The following KMT2A variants were observed in gnomAD, a reference collection of about 807,000 sequenced individuals.
The protein encoded by KMT2A is lysine methyltransferase 2A.
KMT2A carries 16 observed loss-of-function variants against 345.3 expected under a neutral mutation model. The ratio of observed to expected loss-of-function variants is 0.05; its 90% CI spans 0.03 to 0.07. The LOEUF (loss-of-function observed/expected upper bound fraction) is 0.07, where lower values mean the gene tolerates loss of function less well. KMT2A is among the 10% of genes least tolerant of loss of function. The pLI is 1.00. For synonymous variants in KMT2A, 1,599 were observed against 1,778.6 expected, an observed-to-expected ratio of 0.90 and a Z score of 2.54; for missense variants, 3,272 against 4,841.6, an observed-to-expected ratio of 0.68 and a Z score of 9.62.
At chr11:118,453,743 C>G (rs187176268) in intron 1 of KMT2A, among the ~76,000 whole-genome samples, 1 of 152,292 alleles carries the variant, frequency 6.6e-6, no homozygotes, top group African/African-American at 2.4e-5. Flanking sequence ...CATGAATTAT[C>G]TCACCTAACC....
chr11:118,441,723 C>A (rs1949318372), intron 1 of KMT2A, among the ~76,000 whole-genome samples: 1 of 152,174 alleles, frequency 6.6e-6, no homozygotes, highest in South Asian at 2.1e-4. Context: ...GTCTTTAGAA[C>A]TTTTCTTCCT....
chr11:118,458,620 A>G (rs1321494024), intron 1 of KMT2A, among the ~76,000 whole-genome samples: 1 of 152,230 alleles, frequency 6.6e-6, no homozygotes, highest in East Asian at 1.9e-4. Flanking sequence ...CACTCTAAAG[A>G]AGACAAATGT....
In KMT2A at chr11:118,496,788, C is replaced by T. The variant is rs782491860; in HGVS notation, c.5664+421C>T. ...CTGAATACATTTCTGTGCTTAACTGCCTACTTATTGACTTTGGCAAGTAGT... is the reference window on the plus strand; with the variant it reads ...CTGAATACATTTCTGTGCTTAACTGTCTACTTATTGACTTTGGCAAGTAGT... On this transcript the variant is annotated intron_variant, in intron 20 of 35. Coordinates refer to ENST00000534358, the MANE Select transcript of KMT2A (RefSeq NM_001197104.2). The surrounding 1 kb of genome is among the most constrained non-coding windows in gnomAD (Gnocchi z 4.7). Among the ~76,000 whole-genome samples, 13 of 152,142 alleles carry T rather than the reference C, an allele frequency of 8.5e-5. No homozygotes were observed. Among genetic ancestry groups the T allele is most frequent in the Non-Finnish European group, 1.5e-4 (10 of 68,030 alleles).
chr11:118,447,804 G>A (rs1949452891), intron 1 of KMT2A: 1 of 242,338 alleles, frequency 4.1e-6, no homozygotes, highest in Non-Finnish European at 8.6e-6. Context: ...GGTAACCAGC[G>A]GTTTCCCAGC....
At chr11:118,442,713 A>G (rs184166806) in intron 1 of KMT2A, among the ~76,000 whole-genome samples, 1 of 152,326 alleles carries the variant, frequency 6.6e-6, no homozygotes, top group Admixed American at 6.5e-5. Flanking sequence ...ATACCCTTGT[A>G]GGCTCCACTA....
chr11:118,519,625 C>T lies in KMT2A; in HGVS notation c.11154C>T (p.Asn3718=), dbSNP rs367846617. 9.9e-6 allele frequency: 16 copies of T among 1,611,528 alleles called. No homozygotes were observed. The highest frequency in any genetic ancestry group is 1.7e-5 in the Admixed American group (1 of 59,944). ...TGCTTCTGATTCTTCTAGGTGTTAA[C>T]GGTTTGAGGATGCTGGGGATTCTCC... The part of the protein sequence containing the change: ...RLKQLSFAGV[N]GLRMLGILHD... Residue 3718 remains asparagine (N), a synonymous_variant, in exon 32 of 36, where the codon AAC becomes AAT. Transcript: ENST00000534358.
chr11:118,511,860 G>A (rs546620460), intron 30 of KMT2A, 91 bp from the exon 31 acceptor site: 6 of 969,596 alleles, frequency 6.2e-6, no homozygotes, highest in Non-Finnish European at 8.3e-6. Context: ...ACACTGTAGG[G>A]ATTCTAAGCA....
intron 31 of KMT2A, among the ~76,000 whole-genome samples, chr11:118,517,181 G>C (rs1950833749): frequency 6.6e-6 from 1 of 151,560 alleles, no homozygotes; most frequent in East Asian, 2.0e-4. Context: ...AGATCACGAG[G>C]TCAGGAGATC....
In KMT2A at chr11:118,504,396, A is replaced by T; in HGVS notation, c.8504A>T (p.Asp2835Val). ...TATAATACTGAGCTCCTGAAATCAGATTCAGACAATAACAACAGTGATGAC... is the reference window on the plus strand; with the variant it reads ...TATAATACTGAGCTCCTGAAATCAGTTTCAGACAATAACAACAGTGATGAC... ...DTYNTELLKSDSDNNNSDDCG... is the reference protein window; with the variant it reads ...DTYNTELLKSVSDNNNSDDCG... The change falls in exon 27 of 36, where the codon GAT becomes GTT. Residue 2835 changes from aspartate to valine, a missense_variant. By Grantham distance (152) the Asp-to-Val change is radical (BLOSUM62 -3). Around this residue, in one of 27 missense-constraint regions of KMT2A, gnomAD observed 9 missense variants for 20.3 expected, o/e 0.44. Transcript: ENST00000534358. The surrounding 1 kb of genome is among the most constrained non-coding windows in gnomAD (Gnocchi z 6.4). 1 of 1,614,190 alleles carries T rather than the reference A, an allele frequency of 6.2e-7. No individual in the cohort carries two copies. The highest frequency in any genetic ancestry group is 8.5e-7 in the Non-Finnish European group (1 of 1,180,010).
At chr11:118,506,792 C>CT (rs1456372781) in intron 27 of KMT2A, 146 bp downstream of exon 27, 1 of 785,542 alleles carries the variant, frequency 1.3e-6, no homozygotes, top group African/African-American at 1.7e-5. Context: ...TTTTTTCTCT[C>CT]TGAGTGGTGA....
intron 1 of KMT2A, among the ~76,000 whole-genome samples, chr11:118,437,693 T>A (rs535525227): frequency 2.1e-5 from 3 of 144,732 alleles, no homozygotes; most frequent in Admixed American, 2.1e-4. Flanking sequence ...CCGCCCCGTC[T>A]TACAGGGCTA....
At chr11:118,506,761 G>A in intron 27 of KMT2A, 115 bp downstream of exon 27, 2 of 1,121,262 alleles carry the variant, frequency 1.8e-6, no homozygotes, top group East Asian at 2.4e-5. Flanking sequence ...GCATTACCTG[G>A]GAGTTTTCCG....
chr11:118,481,386 A>C (rs1204882357), intron 6 of KMT2A, among the ~76,000 whole-genome samples: 1 of 152,220 alleles, frequency 6.6e-6, no homozygotes, highest in African/African-American at 2.4e-5. Context: ...TTCACTTAAC[A>C]TAATGTCCTC....
chr11:118,467,631 T>A (rs1422639075), intron 1 of KMT2A, among the ~76,000 whole-genome samples: 3 of 152,212 alleles, frequency 2.0e-5, no homozygotes, highest in Admixed American at 2.0e-4. Flanking sequence ...TTTAATATAG[T>A]CATGGCTGAA....
chr11:118,512,617 T>C (rs1482988965), intron 31 of KMT2A, among the ~76,000 whole-genome samples: 1 of 152,230 alleles, frequency 6.6e-6, no homozygotes, highest in East Asian at 1.9e-4. Context: ...AGTTATTGTG[T>C]AGACATGTTT....
chr11:118,498,153 C>T lies in KMT2A; in HGVS notation c.5802+80C>T, dbSNP rs1163731596. On this transcript the variant is annotated intron_variant, in intron 21 of 35. Transcript: ENST00000534358. This position sits in a 1 kb window ranked among gnomAD's most constrained non-coding sequence, Gnocchi z 4.4. Reference sequence around the variant, plus strand: ...TTCTTCCTGTGGGTGAATATGGCCTCCCTGATATTTTTCACAGTGCCATCA... The same window carrying T: ...TTCTTCCTGTGGGTGAATATGGCCTTCCTGATATTTTTCACAGTGCCATCA... 2 of 1,485,632 alleles carry T rather than the reference C, an allele frequency of 1.3e-6. No individual in the cohort carries two copies. The highest frequency in any genetic ancestry group is 1.9e-6 in the Non-Finnish European group (2 of 1,077,350). 92.0% of individuals were successfully genotyped at this position (1,485,632 alleles called of 1,614,324 possible). A position where few individuals can be genotyped will look rare whatever the true frequency, so the allele number is the denominator to read the frequency against.
At position 118,497,946 on chromosome 11, in the gene KMT2A, G is replaced by A. The variant is rs1950436398; in HGVS notation, c.5675G>A (p.Arg1892His). The A allele has an allele frequency of 1.9e-6, 3 of 1,611,514 alleles. No individual in the cohort carries two copies. Among genetic ancestry groups the A allele is most frequent in the Non-Finnish European group, 2.5e-6 (3 of 1,177,912 alleles). ...CTCTTTATTTTATAGGATGCTGGTC[G>A]TTTACTATATATTGGCCAAAATGAG... is the stretch of plus-strand genomic sequence containing the variant. ...YGDDSANDAG[R>H]LLYIGQNEWT... The change falls in exon 21 of 36, where the codon CGT becomes CAT. Residue 1892 changes from arginine to histidine, a missense_variant. Arg to His is a conservative substitution (Grantham distance 29, BLOSUM62 0). Transcript: ENST00000534358. This position sits in a 1 kb window ranked among gnomAD's most constrained non-coding sequence, Gnocchi z 4.8.
Position 118,473,018 on chromosome 11 carries a change from C to G in KMT2A, c.1859C>G (p.Thr620Ser), listed in dbSNP as rs2134264760. Residue 620 changes from threonine to serine, a missense_variant, in exon 3 of 36, where the codon ACT becomes AGT. Around this residue, in one of 27 missense-constraint regions of KMT2A, gnomAD observed 114 missense variants for 203.2 expected, o/e 0.56. Transcript: ENST00000534358. The surrounding 1 kb of genome is among the most constrained non-coding windows in gnomAD (Gnocchi z 5.2). ...TTGCGAGAACCGACATTTAGGTGGA[C>G]TTCTTTAAAGCATTCTAGGTCAGAG... ...SILREPTFRW[T>S]SLKHSRSEPQ... 6.2e-7 allele frequency: 1 copy of G among 1,614,202 alleles called. No homozygotes were observed. The highest frequency in any genetic ancestry group is 8.5e-7 in the Non-Finnish European group (1 of 1,180,046).
chr11:118,514,319 G>A (rs1192487206), intron 31 of KMT2A, among the ~76,000 whole-genome samples: 6 of 152,168 alleles, frequency 3.9e-5, no homozygotes, highest in South Asian at 2.1e-4. Context: ...CTTACATGGC[G>A]AGGTCCTCTT....
Sources: allele counts gnomAD v4.1 joint callset (sites outside exome capture counted in the v4.1 genomes callset), GRCh38; gene constraint gnomAD v4.1.1; regional missense constraint gnomAD v4.1.1; non-coding constraint Gnocchi (gnomAD v3.1); transcripts MANE v1.5; gene names NCBI Gene and HGNC (gene_info 2026-07-23, HGNC 2026-07-21).